The following LGR6 variants were observed in gnomAD, a reference collection of about 807,000 sequenced individuals.
The protein encoded by LGR6 is leucine rich repeat containing G protein-coupled receptor 6.
Under a neutral mutation model 69.4 loss-of-function variants are expected in LGR6, and 45 were observed. The observed-to-expected ratio is 0.65, with a 90% CI of 0.51 to 0.83. LGR6 has a LOEUF of 0.83. Among genes scored for constraint, LGR6 ranks in the 40% least tolerant of loss-of-function variants. The pLI, the probability that LGR6 is intolerant of heterozygous loss-of-function variation, is 0.00. For synonymous variants in LGR6, 538 were observed against 555.0 expected, an observed-to-expected ratio of 0.97 and a Z score of 0.43; for missense variants, 1,108 against 1,246.7, an observed-to-expected ratio of 0.89 and a Z score of 1.68.
chr1:202,282,087 C>T (rs1304398886), intron 6 of LGR6, among the ~76,000 whole-genome samples: 2 of 152,168 alleles, frequency 1.3e-5, no homozygotes, highest in African/African-American at 4.8e-5. Flanking sequence ...AATGGCAGAG[C>T]CAGCCCAGCT....
chr1:202,296,909 G>A (rs2148242580), intron 6 of LGR6, among the ~76,000 whole-genome samples: 1 of 152,066 alleles, frequency 6.6e-6, no homozygotes, highest in Middle Eastern at 3.4e-3. Flanking sequence ...GCCAACTTGG[G>A]TTGCTACCCC....
At chr1:202,216,341 C>T (rs796903607) in intron 1 of LGR6, among the ~76,000 whole-genome samples, 1 of 152,184 alleles carries the variant, frequency 6.6e-6, no homozygotes, top group African/African-American at 2.4e-5. Context: ...TATCCAAAAT[C>T]GCAGAAGCCA....
intron 4 of LGR6, among the ~76,000 whole-genome samples, chr1:202,261,810 T>C (rs1664258935): frequency 6.6e-6 from 1 of 152,372 alleles, no homozygotes; most frequent in South Asian, 2.1e-4. Flanking sequence ...ATTGTGGTTT[T>C]GATTTGCATT....
intron 1 of LGR6, among the ~76,000 whole-genome samples, chr1:202,212,252 G>A (rs1351990761): frequency 6.6e-6 from 1 of 152,196 alleles, no homozygotes; most frequent in African/African-American, 2.4e-5. Context: ...TTCCTAGGTG[G>A]AGAAGTGTGG....
At chr1:202,267,413 C>T (rs1174397721) in intron 4 of LGR6, among the ~76,000 whole-genome samples, 1 of 152,134 alleles carries the variant, frequency 6.6e-6, no homozygotes, top group Non-Finnish European at 1.5e-5. Context: ...TTTTCAGCCC[C>T]CTAAGGGCCT....
intron 5 of LGR6, 66 bp downstream of exon 5, chr1:202,276,587 T>G: frequency 7.7e-7 from 1 of 1,306,092 alleles, no homozygotes; most frequent in African/African-American, 1.5e-5. Context: ...GCATGTTTAC[T>G]TGAGTTGGAT....
rs541420694 is a variant in LGR6, at chr1:202,268,286, T to G, written c.429-8020T>G. ...GTGGGAGGCTGGGCCCTGCCGCCTATGGAAGGCCCAAGGGCATCTCCTCAC... is the reference window on the plus strand; with the variant it reads ...GTGGGAGGCTGGGCCCTGCCGCCTAGGGAAGGCCCAAGGGCATCTCCTCAC... On this transcript the variant is annotated intron_variant, in intron 4 of 17. Coordinates refer to ENST00000367278, the MANE Select transcript of LGR6 (RefSeq NM_001017403.2). The surrounding 1 kb of genome is among the most constrained non-coding windows in gnomAD (Gnocchi z 4.4). 6.6e-6 allele frequency among the ~76,000 whole-genome samples: 1 copy of G among 152,236 alleles called. No individual in the cohort carries two copies. The highest frequency in any genetic ancestry group is 1.5e-5 in the Non-Finnish European group (1 of 67,986).
chr1:202,306,827 T>C, intron 12 of LGR6, 41 bp from the exon 13 acceptor site: 1 of 1,573,622 alleles, frequency 6.4e-7, no homozygotes, highest in African/African-American at 1.3e-5. Flanking sequence ...GGAGCCAGGG[T>C]CTGAGCCTGC....
At chr1:202,253,004 A>G (rs1055494208) in intron 4 of LGR6, among the ~76,000 whole-genome samples, 3 of 152,240 alleles carry the variant, frequency 2.0e-5, no homozygotes, top group Admixed American at 2.0e-4. Flanking sequence ...CTCTCGAGTC[A>G]TGGCTCAGTC....
intron 2 of LGR6, 135 bp downstream of exon 2, chr1:202,225,629 T>A (rs1279380180): frequency 8.6e-6 from 6 of 694,662 alleles, no homozygotes; most frequent in African/African-American, 1.8e-5. Flanking sequence ...GACAGCAGGG[T>A]GTTCTTCAGC....
intron 16 of LGR6, among the ~76,000 whole-genome samples, chr1:202,314,535 G>T (rs1021670414): frequency 1.3e-5 from 2 of 152,202 alleles, no homozygotes; most frequent in African/African-American, 2.4e-5. Context: ...TGACTGGAGA[G>T]GACATAGAGC....
chr1:202,313,811 T>C (rs1653929358), intron 16 of LGR6, among the ~76,000 whole-genome samples: 1 of 152,208 alleles, frequency 6.6e-6, no homozygotes, highest in Non-Finnish European at 1.5e-5. Flanking sequence ...GGGATATCCT[T>C]TGCCTTAAAA....
At chr1:202,310,714 AAGAC>A (rs1484289611) in intron 16 of LGR6, among the ~76,000 whole-genome samples, 2 of 152,160 alleles carry the variant, frequency 1.3e-5, no homozygotes, top group African/African-American at 4.8e-5. Context: ...ATTCTCAGAG[AAGAC>A]AGACCCCTTA....
At chr1:202,308,221 C>T (rs1263308217) in intron 14 of LGR6, among the ~76,000 whole-genome samples, 2 of 152,212 alleles carry the variant, frequency 1.3e-5, no homozygotes, top group African/African-American at 4.8e-5. Flanking sequence ...CACATTCCTC[C>T]TCAGGCTGGG....
chr1:202,240,802 C>T (rs1662128129), intron 4 of LGR6, among the ~76,000 whole-genome samples: 1 of 152,202 alleles, frequency 6.6e-6, no homozygotes, highest in South Asian at 2.1e-4. Flanking sequence ...ATTTTTTGGA[C>T]TTCCCTGTGT....
At chr1:202,205,135 AACAC>A (rs1183432788) in intron 1 of LGR6, among the ~76,000 whole-genome samples, 1 of 112,778 alleles carries the variant, frequency 8.9e-6, no homozygotes, top group Non-Finnish European at 1.7e-5. Context: ...ACCTCCTTCA[AACAC>A]ACACACACCT....
intron 4 of LGR6, among the ~76,000 whole-genome samples, chr1:202,242,507 T>C (rs1662295193): frequency 6.6e-6 from 1 of 152,204 alleles, no homozygotes; most frequent in African/African-American, 2.4e-5. Flanking sequence ...CGAGTGAATA[T>C]CATGCATAGA....
rs775570538 is a variant in LGR6 at position 202,314,867 on chromosome 1, TGTAG to T, written c.1634_1637del (p.Cys545SerfsTer39). 2.5e-6 allele frequency: 4 copies of T among 1,613,756 alleles called. No homozygotes were observed. Among genetic ancestry groups the T allele is most frequent in the Non-Finnish European group, 3.4e-6 (4 of 1,179,684 alleles). ...CTCAAAGCCACACCCCAGTGTCCAG[TGTAG>T]CCCTACTCCAGGTGAGGTGGTGTCT... On this transcript the variant is annotated frameshift_variant, in exon 17 of 18. Coordinates refer to ENST00000367278, the MANE Select transcript of LGR6 (RefSeq NM_001017403.2). LOFTEE classifies it low-confidence loss of function (END_TRUNC).
chr1:202,317,052 G>A (rs564151164), intron 17 of LGR6, among the ~76,000 whole-genome samples: 2 of 152,304 alleles, frequency 1.3e-5, no homozygotes, highest in Non-Finnish European at 2.9e-5. Flanking sequence ...ACAGAGCAAG[G>A]GAGAGCCAGC....
Sources: allele counts gnomAD v4.1 joint callset (sites outside exome capture counted in the v4.1 genomes callset), GRCh38; gene constraint gnomAD v4.1.1; non-coding constraint Gnocchi (gnomAD v3.1); transcripts MANE v1.5; gene names NCBI Gene and HGNC (gene_info 2026-07-23, HGNC 2026-07-21).